Variants in RNFT2 observed in about 807,000 individuals in gnomAD.
The protein encoded by RNFT2 is ring finger protein, transmembrane 2.
In RNFT2, 36 loss-of-function variants were observed where a neutral mutation model predicts 53.0. That is an observed-to-expected ratio of 0.68 (90% CI 0.52 to 0.90). The LOEUF is 0.90. Among genes scored for constraint, RNFT2 ranks in the 40% least tolerant of loss-of-function variants. The probability of loss-of-function intolerance (pLI) is 0.00; values close to 1 mark genes in which losing one functional copy is unlikely to be tolerated. For synonymous variants in RNFT2, 260 were observed against 253.2 expected, an observed-to-expected ratio of 1.03 and a Z score of -0.26; for missense variants, 514 against 585.6, an observed-to-expected ratio of 0.88 and a Z score of 1.26.
At chr12:116,768,713 AT>A (rs111961943) in intron 6 of RNFT2, among the ~76,000 whole-genome samples, 39 of 145,750 alleles carry the variant, frequency 2.7e-4, no homozygotes, top group Non-Finnish European at 3.8e-4. Context: ...TTTCATTGTC[AT>A]TTTTTTTTTA....
At chr12:116,742,753 C>T (rs998516660) in intron 3 of RNFT2, among the ~76,000 whole-genome samples, 1 of 151,998 alleles carries the variant, frequency 6.6e-6, no homozygotes, top group East Asian at 1.9e-4. Flanking sequence ...TGGAGACCAG[C>T]CTAGGTGACA....
At chr12:116,805,361 A>G (rs891374813) in intron 7 of RNFT2, among the ~76,000 whole-genome samples, 1 of 152,086 alleles carries the variant, frequency 6.6e-6, no homozygotes, top group Non-Finnish European at 1.5e-5. Context: ...ATGTACATAG[A>G]TTTATTTTAA....
At chr12:116,820,557 T>C (rs1441314879) in intron 7 of RNFT2, among the ~76,000 whole-genome samples, 1 of 152,208 alleles carries the variant, frequency 6.6e-6, no homozygotes, top group Non-Finnish European at 1.5e-5. Flanking sequence ...CCCATTATTC[T>C]GAATTTTATC....
intron 4 of RNFT2, among the ~76,000 whole-genome samples, chr12:116,750,827 A>G (rs1333644101): frequency 4.2e-3 from 7 of 1,654 alleles, no homozygotes; most frequent in African/African-American, 5.2e-3. Context: ...TATTATATAT[A>G]TAATATATAT....
intron 6 of RNFT2, among the ~76,000 whole-genome samples, chr12:116,774,261 T>A (rs2137110285): frequency 6.6e-6 from 1 of 152,300 alleles, no homozygotes; most frequent in East Asian, 1.9e-4. Flanking sequence ...TTAGCATCAT[T>A]GAACTGTGCG....
intron 2 of RNFT2, 107 bp from the exon 3 acceptor site, chr12:116,740,929 G>A (rs534106533): frequency 1.1e-6 from 1 of 888,522 alleles, no homozygotes; most frequent in African/African-American, 1.7e-5. Context: ...GAGCACTAGG[G>A]GTCTAAGATA....
In RNFT2 at chr12:116,851,966, C is replaced by G; in HGVS notation, c.*2518C>G. On this transcript the variant is annotated 3_prime_UTR_variant, in exon 11 of 11. Transcript: ENST00000257575. ...GTAGCCTTCAGAGCAAACAGGACAA[C>G]CTATGTTATGGATGTTTCCACCAAC... is the stretch of plus-strand genomic sequence containing the variant. 6.6e-7 allele frequency: 1 copy of G among 1,511,372 alleles called. No individual in the cohort carries two copies. The highest frequency in any genetic ancestry group is 8.8e-7 in the Non-Finnish European group (1 of 1,137,244). The allele number at this position is 1,511,372 out of a possible 1,614,324, so 93.6% of individuals were successfully genotyped here.
At position 116,780,723 on chromosome 12, in the gene RNFT2, C is replaced by T. The variant is rs533400414; in HGVS notation, c.882+1375C>T. Among the ~76,000 whole-genome samples, 8 of 152,014 alleles carry T rather than the reference C, an allele frequency of 5.3e-5. No individual in the cohort carries two copies. The East Asian group carries it at 1.2e-3, about 22-fold the overall frequency. On this transcript the variant is annotated intron_variant, in intron 7 of 10. Transcript: ENST00000257575. ...GAAAGGCCAGAGGGAAAACAACAGG[C>T]CTAGGGAAGTCCTAAGATGCCTCCC...
chr12:116,804,924 A>G (rs1874973728), intron 7 of RNFT2, among the ~76,000 whole-genome samples: 1 of 152,236 alleles, frequency 6.6e-6, no homozygotes, highest in African/African-American at 2.4e-5. Flanking sequence ...CCACGATTAC[A>G]CCACTGCACT....
At chr12:116,836,357 CGGGTCTCTGGCAT>C in intron 10 of RNFT2, 75 bp downstream of exon 10, 1 of 1,271,174 alleles carries the variant, frequency 7.9e-7, no homozygotes, top group South Asian at 1.3e-5. Flanking sequence ...GGGCAGTCCT[CGGGTCTCTGGCAT>C]GGGTCTCTGG....
At chr12:116,740,944 T>C (rs1279237192) in intron 2 of RNFT2, 92 bp from the exon 3 acceptor site, 1 of 1,054,112 alleles carries the variant, frequency 9.5e-7, no homozygotes, top group Non-Finnish European at 1.4e-6. Context: ...AAGATACGAC[T>C]AGTGCAGGTT....
intron 4 of RNFT2, among the ~76,000 whole-genome samples, chr12:116,752,010 C>T (rs1872272421): frequency 6.6e-6 from 1 of 152,078 alleles, no homozygotes. Context: ...TTTAGTACTG[C>T]AGTAGGAGTG....
intron 3 of RNFT2, among the ~76,000 whole-genome samples, chr12:116,742,608 A>T (rs1871665372): frequency 6.6e-6 from 1 of 152,034 alleles, no homozygotes; most frequent in African/African-American, 2.4e-5. Context: ...CTGGCCCTAG[A>T]TGATTTAGGA....
intron 7 of RNFT2, among the ~76,000 whole-genome samples, chr12:116,815,066 G>A (rs1288091020): frequency 1.3e-5 from 2 of 152,064 alleles, no homozygotes; most frequent in Non-Finnish European, 2.9e-5. Context: ...AAGGGGCCCT[G>A]CATTTTAATT....
intron 5 of RNFT2, among the ~76,000 whole-genome samples, chr12:116,757,243 C>G (rs753889956): frequency 6.6e-5 from 10 of 151,984 alleles, no homozygotes; most frequent in Non-Finnish European, 1.3e-4. Context: ...TGCTAATGGT[C>G]TATCAGTTTT....
chr12:116,822,406 G>A (rs1321944343), intron 7 of RNFT2, among the ~76,000 whole-genome samples: 3 of 152,030 alleles, frequency 2.0e-5, no homozygotes, highest in Non-Finnish European at 4.4e-5. Flanking sequence ...GCTGCCAGTG[G>A]CCATCTTTCC....
chr12:116,750,804 TATATA>T (rs1217093560), intron 4 of RNFT2, among the ~76,000 whole-genome samples: 7 of 23,762 alleles, frequency 2.9e-4, no homozygotes, highest in African/African-American at 1.1e-3. Context: ...TGTGTATATA[TATATA>T]ATATATATAT....
chr12:116,755,514 C>T lies in RNFT2; in HGVS notation c.627+1454C>T. 3 of 879,206 alleles carry T rather than the reference C, an allele frequency of 3.4e-6. No homozygotes were observed. In the South Asian group the frequency reaches 3.9e-5, roughly 12 times the overall value. The allele number at this position is 879,206 out of a possible 1,614,324, so 54.5% of individuals were successfully genotyped here. A position where few individuals can be genotyped will look rare whatever the true frequency, so the allele number is the denominator to read the frequency against. Reference sequence around the variant, plus strand: ...TTGAGTTGAACCCAGGTACCTTTCTCTTCCGCTTCTTTCTTTTTCTGATCA... The same window carrying T: ...TTGAGTTGAACCCAGGTACCTTTCTTTTCCGCTTCTTTCTTTTTCTGATCA... On this transcript the variant is annotated intron_variant, in intron 5 of 10. Transcript: ENST00000257575.
chr12:116,819,507 A>ACAGC (rs1177372404), intron 7 of RNFT2, among the ~76,000 whole-genome samples: 3 of 151,946 alleles, frequency 2.0e-5, no homozygotes, highest in Non-Finnish European at 4.4e-5. Context: ...GAGCGCGGGG[A>ACAGC]CAGCCGGCCG....
Sources: allele counts gnomAD v4.1 joint callset (sites outside exome capture counted in the v4.1 genomes callset), GRCh38; gene constraint gnomAD v4.1.1; transcripts MANE v1.5; gene names NCBI Gene and HGNC (gene_info 2026-07-23, HGNC 2026-07-21).